Variants in UBXN4 observed in about 807,000 individuals in gnomAD.
The protein encoded by UBXN4 is UBX domain-containing protein 4.
UBXN4 carries 35 observed loss-of-function variants against 66.2 expected under a neutral mutation model. The observed-to-expected ratio is 0.53, with a 90% CI of 0.40 to 0.70. The LOEUF is 0.70. UBXN4 is among the 30% of genes least tolerant of loss of function. The pLI, the probability that UBXN4 is intolerant of heterozygous loss-of-function variation, is 0.00. For synonymous variants in UBXN4, 203 were observed against 204.5 expected, an observed-to-expected ratio of 0.99 and a Z score of 0.06; for missense variants, 533 against 599.8, an observed-to-expected ratio of 0.89 and a Z score of 1.16.
intron 1 of UBXN4, among the ~76,000 whole-genome samples, chr2:135,746,263 A>G (rs965748908): frequency 5.9e-5 from 9 of 152,180 alleles, no homozygotes; most frequent in Admixed American, 2.0e-4. Context: ...GTCAATTATT[A>G]TAGGCATGCC....
intron 6 of UBXN4, among the ~76,000 whole-genome samples, chr2:135,767,473 G>A (rs1357425222): frequency 2.0e-5 from 3 of 152,162 alleles, no homozygotes; most frequent in Admixed American, 6.5e-5. Flanking sequence ...ATCGAACACT[G>A]TAGGTTAGTT....
At position 135,779,024 on chromosome 2, in the gene UBXN4, A is replaced by C; in HGVS notation, c.1130A>C (p.Lys377Thr). The C allele has an allele frequency of 6.2e-7, 1 of 1,613,834 alleles. No individual in the cohort carries two copies. The highest frequency in any genetic ancestry group is 8.5e-7 in the Non-Finnish European group (1 of 1,179,886). ...PRREFTKEDYKKKLLDLELAP... is the reference protein window; with the variant it reads ...PRREFTKEDYTKKLLDLELAP... ...AGGGAATTTACCAAAGAAGATTATA[A>C]AAAGAAGTTACTGGATTTGGAACTT... The change falls in exon 11 of 13, where the codon AAA (lysine) becomes ACA (threonine). Residue 377 changes from lysine to threonine, a missense_variant. Coordinates refer to ENST00000272638, the MANE Select transcript of UBXN4 (RefSeq NM_014607.4).
chr2:135,762,226 G>C (rs1310243410), intron 6 of UBXN4, among the ~76,000 whole-genome samples: 1 of 152,202 alleles, frequency 6.6e-6, no homozygotes, highest in African/African-American at 2.4e-5. Context: ...ATAAGCTCCA[G>C]ATGGGCAAGA....
chr2:135,745,893 T>TTTTTTTTTTTTTG (rs2077204786), intron 1 of UBXN4, among the ~76,000 whole-genome samples: 1 of 140,728 alleles, frequency 7.1e-6, no homozygotes, highest in Non-Finnish European at 1.5e-5. Context: ...TTTTTTTTTT[T>TTTTTTTTTTTTTG]TTTGAGATGG....
intron 5 of UBXN4, among the ~76,000 whole-genome samples, chr2:135,757,316 T>C (rs1044290621): frequency 6.6e-6 from 1 of 152,238 alleles, no homozygotes; most frequent in Non-Finnish European, 1.5e-5. Context: ...AATTATGTTA[T>C]ACATTTTTTA....
chr2:135,745,745 G>A (rs2077203365), intron 1 of UBXN4, among the ~76,000 whole-genome samples: 1 of 152,130 alleles, frequency 6.6e-6, no homozygotes, highest in Admixed American at 6.5e-5. Context: ...GGTTTCTGAA[G>A]ATGCATTTAG....
intron 9 of UBXN4, among the ~76,000 whole-genome samples, chr2:135,775,084 A>G (rs1326470549): frequency 2.0e-5 from 3 of 152,246 alleles, no homozygotes; most frequent in African/African-American, 4.8e-5. Context: ...AAATCAAGTC[A>G]GAACCACAAT....
intron 12 of UBXN4, among the ~76,000 whole-genome samples, chr2:135,781,438 A>G (rs553450264): frequency 1.7e-4 from 26 of 152,354 alleles, no homozygotes; most frequent in African/African-American, 4.6e-4. Context: ...TAAGCACTCT[A>G]TGAGGCCTTT....
chr2:135,749,728 TC>T (rs1559537689), intron 2 of UBXN4, among the ~76,000 whole-genome samples: 1 of 152,232 alleles, frequency 6.6e-6, no homozygotes, highest in Non-Finnish European at 1.5e-5. Context: ...GTTCGACTTT[TC>T]AGTTGTCTCA....
rs1366395273 is a variant in UBXN4 at position 135,772,522 on chromosome 2, A to G, written c.925A>G (p.Arg309Gly). ...AAAACAGGCAGAAATGGAAGTCAAG[A>G]GGGAATCTTATGCAAGAGAAAGAAG... ...LAKQAEMEVKRESYARERSTV... is the reference protein window; with the variant it reads ...LAKQAEMEVKGESYARERSTV... Residue 309 changes from arginine to glycine, a missense_variant, in exon 9 of 13, where the codon AGG becomes GGG. Physicochemically the swap from Arg to Gly is moderately radical, Grantham distance 125. Coordinates refer to ENST00000272638, the MANE Select transcript of UBXN4 (RefSeq NM_014607.4). 3 of 1,613,932 alleles carry G rather than the reference A, an allele frequency of 1.9e-6. No individual in the cohort carries two copies. Among genetic ancestry groups the G allele is most frequent in the South Asian group, 1.1e-5 (1 of 91,080 alleles).
At chr2:135,765,173 T>G (rs749433853) in intron 6 of UBXN4, among the ~76,000 whole-genome samples, 2 of 152,108 alleles carry the variant, frequency 1.3e-5, no homozygotes, top group Non-Finnish European at 2.9e-5. Flanking sequence ...TAGCGAATCT[T>G]TAGTTAAAAT....
intron 1 of UBXN4, among the ~76,000 whole-genome samples, chr2:135,744,582 G>A (rs1259877848): frequency 1.3e-5 from 2 of 152,068 alleles, no homozygotes; most frequent in Admixed American, 1.3e-4. Flanking sequence ...GCCTTTTTTG[G>A]TGAATGTAGA....
chr2:135,763,450 A>G (rs912828696), intron 6 of UBXN4, among the ~76,000 whole-genome samples: 8 of 152,260 alleles, frequency 5.3e-5, no homozygotes, highest in African/African-American at 1.4e-4. Context: ...ATGAAGTTCT[A>G]TAAAGCAAAA....
intron 5 of UBXN4, 86 bp downstream of exon 5, chr2:135,755,777 T>A: frequency 3.5e-6 from 3 of 853,118 alleles, no homozygotes; most frequent in Non-Finnish European, 4.5e-6. Flanking sequence ...AAAAATATAT[T>A]GTATGTATTT....
chr2:135,781,629 G>A (rs912050080), intron 12 of UBXN4, among the ~76,000 whole-genome samples: 10 of 152,190 alleles, frequency 6.6e-5, no homozygotes, highest in Non-Finnish European at 1.5e-4. Flanking sequence ...TGTTAGGCAG[G>A]AAGACCAGTT....
intron 10 of UBXN4, among the ~76,000 whole-genome samples, chr2:135,778,231 T>TA (rs2077430136): frequency 2.0e-5 from 3 of 151,358 alleles, no homozygotes; most frequent in African/African-American, 7.3e-5. Context: ...TCAGTACAGT[T>TA]ATCAAGTTTT....
chr2:135,770,975 A>G (rs1040834311), intron 8 of UBXN4, among the ~76,000 whole-genome samples: 1 of 149,670 alleles, frequency 6.7e-6, no homozygotes, highest in Non-Finnish European at 1.5e-5. Flanking sequence ...GCATTCAAAA[A>G]GCAGCTTTTA....
At chr2:135,775,550 G>C (rs920647788) in intron 9 of UBXN4, among the ~76,000 whole-genome samples, 1 of 152,282 alleles carries the variant, frequency 6.6e-6, no homozygotes, top group South Asian at 2.1e-4. Context: ...GTCACATACT[G>C]TATGATTCTA....
intron 5 of UBXN4, among the ~76,000 whole-genome samples, chr2:135,757,430 C>T (rs529104817): frequency 4.6e-5 from 7 of 152,250 alleles, no homozygotes; most frequent in South Asian, 2.1e-4. Flanking sequence ...TCTTCATCTA[C>T]GTTTTATTCT....
Sources: gnomAD v4.1 joint callset for allele counts (sites outside exome capture counted in the v4.1 genomes callset) on GRCh38, gnomAD v4.1.1 for gene constraint, MANE v1.5 for transcripts, NCBI Gene and HGNC (gene_info 2026-07-23, HGNC 2026-07-21) for gene names.